Variants in SYN1 observed in about 807,000 individuals in gnomAD.
SYN1 encodes synapsin-1.
SYN1 carries 8 observed loss-of-function variants against 44.6 expected under a neutral mutation model. The ratio of observed to expected loss-of-function variants is 0.18; its 90% CI spans 0.11 to 0.32. SYN1 has a LOEUF of 0.32. SYN1 is among the 10% of genes least tolerant of loss of function. The pLI, the probability that SYN1 is intolerant of heterozygous loss-of-function variation, is 1.00. For synonymous variants in SYN1, 275 were observed against 280.1 expected (o/e 0.98, Z 0.18); for missense variants, 451 against 639.4 (o/e 0.71, Z 3.18).
chrX:47,597,659 T>C (rs1429006347), intron 5 of SYN1, among the ~76,000 whole-genome samples: 1 of 111,766 alleles, frequency 8.9e-6, no homozygotes, highest in Non-Finnish European at 1.9e-5. Flanking sequence ...CCCAATTTGA[T>C]TTAAAGCATT....
At chrX:47,573,687 T>C (rs753356419) in intron 12 of SYN1, among the ~76,000 whole-genome samples, 1 of 109,837 alleles carries the variant, frequency 9.1e-6, no homozygotes, top group East Asian at 2.9e-4. Context: ...GGCAGGAAGT[T>C]GCAGAGGGTG....
chrX:47,586,735 T>C (rs2057829030), intron 5 of SYN1: 1 of 1,171,027 alleles, frequency 8.5e-7, no homozygotes, highest in Admixed American at 2.2e-5. Context: ...GTGTCCACCC[T>C]GTTCCCACTC....
At chrX:47,603,310 C>T (rs2057885481) in intron 5 of SYN1, among the ~76,000 whole-genome samples, 1 of 111,325 alleles carries the variant, frequency 9.0e-6, no homozygotes, top group South Asian at 3.7e-4. Flanking sequence ...AATCTTCCCA[C>T]CTCAGCTTCC....
intron 3 of SYN1, 140 bp downstream of exon 3, chrX:47,606,805 A>T: frequency 1.8e-6 from 1 of 552,482 alleles, no homozygotes; most frequent in Non-Finnish European, 2.9e-6. Context: ...TCTTTTTCTG[A>T]AGAAAAGTTG....
At chrX:47,613,100 C>T (rs780612144) in intron 1 of SYN1, among the ~76,000 whole-genome samples, 53 of 96,288 alleles carry the variant, frequency 5.5e-4, no homozygotes, top group African/African-American at 1.8e-3. Context: ...GCCACAGCAC[C>T]AGCCTGGGCA....
intron 1 of SYN1, 118 bp downstream of exon 1, chrX:47,619,234 A>G (rs926879311): frequency 6.3e-5 from 67 of 1,060,821 alleles, no homozygotes; most frequent in Non-Finnish European, 8.0e-5. Flanking sequence ...TTAAAGGAAA[A>G]AGATTTAGGT....
intron 5 of SYN1, among the ~76,000 whole-genome samples, chrX:47,584,392 T>A (rs35895268): frequency 0.091 from 10,026 of 110,607 alleles, 368 homozygotes; most frequent in Admixed American, 0.14. Flanking sequence ...CTAAACTGAC[T>A]TAGCAAGGCT....
Position 47,619,779 on chromosome X carries a change from G to A in SYN1, c.-51C>T, listed in dbSNP as rs1403707011. On this transcript the variant is annotated 5_prime_UTR_variant, in exon 1 of 13. Coordinates refer to ENST00000295987, the MANE Select transcript of SYN1 (RefSeq NM_006950.3). The stretch of plus-strand genomic sequence containing the variant: ...TAGGGGTGGTCTGGCCAGGAGCCGC[G>A]GGGGCGGACTGCGCGGTGCCCAGGA... The A allele has an allele frequency of 1.8e-6, 2 of 1,128,903 alleles. No individual in the cohort carries two copies. The highest frequency in any genetic ancestry group is 2.6e-5 in the Admixed American group (1 of 38,063). The allele number at this position is 1,128,903 out of a possible 1,213,427, so 93.0% of individuals were successfully genotyped here.
At chrX:47,589,545 G>C (rs59856900) in intron 5 of SYN1, among the ~76,000 whole-genome samples, 1 of 100,541 alleles carries the variant, frequency 9.9e-6, no homozygotes, top group Non-Finnish European at 2.0e-5. Flanking sequence ...GCAGTGAGCT[G>C]AGATCAAGCC....
At chrX:47,582,839 TC>T (rs1231952379) in intron 5 of SYN1, among the ~76,000 whole-genome samples, 1 of 65,828 alleles carries the variant, frequency 1.5e-5, no homozygotes, top group African/African-American at 6.1e-5. Context: ...AGCTCCCCAA[TC>T]CCCAGTTCCC....
chrX:47,573,401 A>G (rs2057766284), intron 12 of SYN1, among the ~76,000 whole-genome samples: 1 of 111,886 alleles, frequency 8.9e-6, no homozygotes, highest in African/African-American at 3.3e-5. Context: ...GGCTTGGACC[A>G]AGGACAGGCT....
At chrX:47,589,746 G>A (rs1375984605) in intron 5 of SYN1, among the ~76,000 whole-genome samples, 1 of 111,255 alleles carries the variant, frequency 9.0e-6, no homozygotes, top group East Asian at 2.8e-4. Context: ...GGGATAAAAA[G>A]AAGGCCTAAC....
chrX:47,582,491 G>T (rs1399269946), intron 5 of SYN1: 4 of 298,252 alleles, frequency 1.3e-5, no homozygotes, highest in Admixed American at 3.9e-5. Context: ...AGGGCCCGGG[G>T]TGGCCCAGCA....
At chrX:47,605,536 C>T (rs928273295) in intron 3 of SYN1, among the ~76,000 whole-genome samples, 157 bp from the exon 4 acceptor site, 3 of 111,718 alleles carry the variant, frequency 2.7e-5, no homozygotes, top group Non-Finnish European at 5.6e-5. Context: ...CTGCCTAGTG[C>T]ACCCTTTCTA....
At chrX:47,586,598 C>A in intron 5 of SYN1, 1 of 1,212,161 alleles carries the variant, frequency 8.2e-7, no homozygotes, top group Non-Finnish European at 1.1e-6. Flanking sequence ...TCCTCCAAGG[C>A]TCTGAAAAGG....
intron 3 of SYN1, among the ~76,000 whole-genome samples, 178 bp from the exon 4 acceptor site, chrX:47,605,557 A>C (rs2057894053): frequency 9.0e-6 from 1 of 111,536 alleles, no homozygotes; most frequent in Non-Finnish European, 1.9e-5. Context: ...CCCTCTGCCC[A>C]CCTGGTGATC....
Position 47,607,212 on chromosome X carries a change from A to T in SYN1, c.378-14T>A. ...AAGTATTTTGCCCTGGAGAGGAAAAACAACACATCTGTCAATGATGAAATC... is the reference window on the plus strand; with the variant it reads ...AAGTATTTTGCCCTGGAGAGGAAAATCAACACATCTGTCAATGATGAAATC... On this transcript the variant is annotated splice_polypyrimidine_tract_variant and intron_variant, in intron 1 of 12. Transcript: ENST00000295987. 1.7e-6 allele frequency: 2 copies of T among 1,205,608 alleles called. No homozygotes were observed. Among genetic ancestry groups the T allele is most frequent in the Non-Finnish European group, 2.2e-6 (2 of 889,879 alleles).
rs2147912173 is a variant in SYN1, at chrX:47,574,311, G to A, written c.1673C>T (p.Ala558Val). The change falls in exon 12 of 13, where the codon GCG becomes GTG. Residue 558 changes from alanine (A) to valine (V), a missense_variant. Physicochemically the swap from Ala to Val is moderately conservative, Grantham distance 64 (BLOSUM62 0). Transcript: ENST00000295987. ...CTGACGGGTAGCCTGTGGGGGGCCC[G>A]CCTGGCGCTGGGGAGACGGAGAGGC... Reference protein sequence around the residue: ...PPASPSPQRQAGPPQATRQTS... With the variant: ...PPASPSPQRQVGPPQATRQTS... 1 of 1,089,597 alleles carries A rather than the reference G, an allele frequency of 9.2e-7. No individual in the cohort carries two copies. The allele number at this position is 1,089,597 out of a possible 1,213,427, so 89.8% of individuals were successfully genotyped here.
chrX:47,585,717 T>C lies in SYN1; in HGVS notation c.775-8216A>G, dbSNP rs373854785. ...AACGGGAGATCCTTCCCGGGGCCAT[T>C]CCCTAAATCGTGGGCTTGTTTCTTG... On this transcript the variant is annotated intron_variant, in intron 5 of 12. Coordinates refer to ENST00000295987, the MANE Select transcript of SYN1 (RefSeq NM_006950.3). 1.1e-5 allele frequency: 13 copies of C among 1,198,146 alleles called. No homozygotes were observed. The African/African-American group carries it at 2.1e-4, about 19-fold the overall frequency.
Sources: gnomAD v4.1 joint callset for allele counts (sites outside exome capture counted in the v4.1 genomes callset) on GRCh38, gnomAD v4.1.1 for gene constraint, MANE v1.5 for transcripts, NCBI Gene and HGNC (gene_info 2026-07-23, HGNC 2026-07-21) for gene names.